The following SEC63 variants were observed in gnomAD, a reference collection of about 807,000 sequenced individuals.
SEC63 encodes the protein translocation protein SEC63 homolog.
Under a neutral mutation model 116.2 loss-of-function variants are expected in SEC63, and 56 were observed. The ratio of observed to expected loss-of-function variants is 0.48; its 90% CI spans 0.39 to 0.60. The LOEUF is 0.60. SEC63 is among the 20% of genes least tolerant of loss of function. SEC63 has a pLI of 0.00. For synonymous variants in SEC63, 273 were observed against 294.6 expected (o/e 0.93, Z 0.75); for missense variants, 668 against 900.0 (o/e 0.74, Z 3.30).
At chr6:107,886,724 T>C (rs1163388369) in intron 16 of SEC63, among the ~76,000 whole-genome samples, 1 of 152,206 alleles carries the variant, frequency 6.6e-6, no homozygotes, top group Non-Finnish European at 1.5e-5. Flanking sequence ...TTCCTGTAAA[T>C]CTGTTTATGT....
At position 107,958,090 on chromosome 6, in the gene SEC63, C is replaced by A; in HGVS notation, c.-81G>T. 1.9e-6 allele frequency: 3 copies of A among 1,588,386 alleles called. No individual in the cohort carries two copies. Among genetic ancestry groups the A allele is most frequent in the Non-Finnish European group, 1.7e-6 (2 of 1,165,652 alleles). On this transcript the variant is annotated 5_prime_UTR_variant, in exon 1 of 21. Transcript: ENST00000369002. ...CACTCCCGCTCCCAACGCCCCGGCC[C>A]GAGTGGCGTAGCTTGGACACTGCCG... is the stretch of plus-strand genomic sequence containing the variant.
chr6:107,889,688 G>T (rs1385423401), intron 16 of SEC63, among the ~76,000 whole-genome samples: 1 of 152,028 alleles, frequency 6.6e-6, no homozygotes, highest in African/African-American at 2.4e-5. Flanking sequence ...GTCGATTTTA[G>T]ATCTTTCCTG....
intron 1 of SEC63, among the ~76,000 whole-genome samples, chr6:107,951,645 C>T (rs962416257): frequency 1.1e-4 from 17 of 152,148 alleles, no homozygotes; most frequent in African/African-American, 4.1e-4. Context: ...CACTCCAGAC[C>T]AAATAAATCA....
At chr6:107,942,642 T>C (rs953720349) in intron 1 of SEC63, among the ~76,000 whole-genome samples, 3 of 152,236 alleles carry the variant, frequency 2.0e-5, no homozygotes, top group African/African-American at 7.2e-5. Context: ...CCCCACCCCC[T>C]GTGCAGTCAC....
chr6:107,880,993 A>G, intron 18 of SEC63, 156 bp downstream of exon 18: 1 of 636,410 alleles, frequency 1.6e-6, no homozygotes, highest in Non-Finnish European at 2.8e-6. Flanking sequence ...TATAATACCT[A>G]TTGTAATATT....
chr6:107,957,385 T>C (rs1163559203), intron 1 of SEC63: 1 of 152,462 alleles, frequency 6.6e-6, no homozygotes, highest in African/African-American at 2.4e-5. Context: ...GAAAGCTCAA[T>C]TGGAGTCCTA....
At chr6:107,904,053 G>A (rs1787076869) in intron 11 of SEC63, among the ~76,000 whole-genome samples, 1 of 149,900 alleles carries the variant, frequency 6.7e-6, no homozygotes, top group Non-Finnish European at 1.5e-5. Flanking sequence ...GGGAGGCGGA[G>A]GTTGCAGTGA....
At chr6:107,909,771 G>A (rs1236382064) in intron 7 of SEC63, among the ~76,000 whole-genome samples, 3 of 152,126 alleles carry the variant, frequency 2.0e-5, no homozygotes, top group African/African-American at 7.2e-5. Flanking sequence ...TACTTAATAT[G>A]ATTGGATTCT....
chr6:107,950,887 G>A (rs532784527), intron 1 of SEC63, among the ~76,000 whole-genome samples: 35 of 152,136 alleles, frequency 2.3e-4, no homozygotes, highest in Admixed American at 5.9e-4. Context: ...GCATGCTTTT[G>A]ATTATTCGAA....
intron 10 of SEC63, among the ~76,000 whole-genome samples, chr6:107,905,735 C>T (rs1787134396): frequency 6.6e-6 from 1 of 152,156 alleles, no homozygotes; most frequent in South Asian, 2.1e-4. Flanking sequence ...CCTCCAAAAA[C>T]TTACAAAGTC....
intron 18 of SEC63, among the ~76,000 whole-genome samples, chr6:107,879,173 T>C (rs778090611): frequency 2.0e-5 from 3 of 152,184 alleles, no homozygotes; most frequent in African/African-American, 4.8e-5. Context: ...TTCATTTGTT[T>C]TGTTTTGTTT....
intron 1 of SEC63, among the ~76,000 whole-genome samples, chr6:107,933,560 C>G (rs540195036): frequency 6.6e-6 from 1 of 152,286 alleles, no homozygotes; most frequent in African/African-American, 2.4e-5. Flanking sequence ...CTGTACAACC[C>G]AAATTCAAAT....
intron 1 of SEC63, among the ~76,000 whole-genome samples, chr6:107,946,830 C>T (rs1770489784): frequency 6.6e-6 from 1 of 152,082 alleles, no homozygotes; most frequent in African/African-American, 2.4e-5. Flanking sequence ...ATGGAAAAAC[C>T]CCGTCTCTAC....
intron 14 of SEC63, among the ~76,000 whole-genome samples, chr6:107,895,048 A>C (rs1786782637): frequency 6.6e-6 from 1 of 152,232 alleles, no homozygotes; most frequent in Non-Finnish European, 1.5e-5. Context: ...TAATTATATC[A>C]TAACTTCCTC....
intron 14 of SEC63, 42 bp from the exon 15 acceptor site, chr6:107,893,939 A>T (rs1562319069): frequency 6.3e-7 from 1 of 1,593,510 alleles, no homozygotes. Context: ...CTGTCAACCT[A>T]TATTTATCTT....
chr6:107,875,665 A>G (rs1270281606), intron 19 of SEC63, among the ~76,000 whole-genome samples: 1 of 152,082 alleles, frequency 6.6e-6, no homozygotes, highest in African/African-American at 2.4e-5. Context: ...GTACCACTGC[A>G]CTCCAGCCTG....
chr6:107,953,758 C>T (rs1451510077), intron 1 of SEC63, among the ~76,000 whole-genome samples: 2 of 142,870 alleles, frequency 1.4e-5, no homozygotes, highest in East Asian at 4.5e-4. Context: ...GGGTTCAGCC[C>T]CCCGCCCGGC....
chr6:107,900,385 T>A (rs1304863635), intron 13 of SEC63, among the ~76,000 whole-genome samples: 1 of 151,966 alleles, frequency 6.6e-6, no homozygotes, highest in African/African-American at 2.4e-5. Flanking sequence ...CTCACACCTA[T>A]AATCACAGCA....
intron 18 of SEC63, among the ~76,000 whole-genome samples, chr6:107,879,717 T>C (rs1016944671): frequency 1.9e-5 from 2 of 107,950 alleles, no homozygotes; most frequent in Admixed American, 2.9e-4. Flanking sequence ...GATAAAATGA[T>C]TTTTATCTTT....
Sources: gnomAD v4.1 joint callset for allele counts (sites outside exome capture counted in the v4.1 genomes callset) on GRCh38, gnomAD v4.1.1 for gene constraint, MANE v1.5 for transcripts, NCBI Gene and HGNC (gene_info 2026-07-23, HGNC 2026-07-21) for gene names.